GALNT17: variants seen among roughly 807,000 people sequenced by gnomAD.
GALNT17 encodes the protein polypeptide N-acetylgalactosaminyltransferase 17.
In GALNT17, 29 loss-of-function variants were observed where a neutral mutation model predicts 63.7. The observed-to-expected ratio is 0.46, with a 90% CI of 0.34 to 0.62. The LOEUF is 0.62. Ranked by LOEUF, GALNT17 falls within the 20% of genes least tolerant of loss-of-function variation. The pLI is 0.01. For missense variants in GALNT17, 603 were observed against 799.6 expected (o/e 0.75, Z 2.97); for synonymous variants, 305 against 318.3 (o/e 0.96, Z 0.45).
At chr7:71,659,407 G>T (rs1463432817) in intron 6 of GALNT17, among the ~76,000 whole-genome samples, 1 of 152,168 alleles carries the variant, frequency 6.6e-6, no homozygotes, top group Non-Finnish European at 1.5e-5. Context: ...GCACACACTG[G>T]CATTCCACTG....
chr7:71,304,207 C>T (rs188293718), intron 1 of GALNT17, among the ~76,000 whole-genome samples: 22 of 152,328 alleles, frequency 1.4e-4, no homozygotes, highest in Admixed American at 1.3e-3. Context: ...TCATTCAATG[C>T]AGTGATGCAT....
intron 8 of GALNT17, among the ~76,000 whole-genome samples, chr7:71,674,344 CTT>C (rs34467330): frequency 6.1e-5 from 7 of 113,960 alleles, no homozygotes; most frequent in African/African-American, 2.4e-4. Context: ...ATAGCTCTTC[CTT>C]TTTAAAAAAA....
At chr7:71,284,801 T>C (rs1417419945) in intron 1 of GALNT17, among the ~76,000 whole-genome samples, 1 of 152,184 alleles carries the variant, frequency 6.6e-6, no homozygotes, top group Admixed American at 6.5e-5. Context: ...GTAACTGCTG[T>C]TGTTTAAATT....
chr7:71,396,832 T>C (rs932539015), intron 3 of GALNT17, among the ~76,000 whole-genome samples: 1 of 152,164 alleles, frequency 6.6e-6, no homozygotes, highest in Non-Finnish European at 1.5e-5. Context: ...TTACACTGCC[T>C]TGGTTAAATT....
At chr7:71,508,368 A>G (rs1412947635) in intron 5 of GALNT17, among the ~76,000 whole-genome samples, 3 of 152,232 alleles carry the variant, frequency 2.0e-5, no homozygotes, top group Non-Finnish European at 2.9e-5. Flanking sequence ...TTTGGCATCC[A>G]GATTCCATCA....
rs1182577220 is a variant in GALNT17 at position 71,543,958 on chromosome 7, A to G, written c.963-27327A>G. Among the ~76,000 whole-genome samples the G allele has an allele frequency of 3.3e-5, 5 of 151,260 alleles. No individual in the cohort carries two copies. The East Asian group carries it at 5.9e-4, about 18-fold the overall frequency. ...CAGGCGCATGCCACTGCACCCAGCT[A>G]ATTTTTGTATTTTTGGTAGAGACGG... On this transcript the variant is annotated intron_variant, in intron 5 of 10. Coordinates refer to ENST00000333538, the MANE Select transcript of GALNT17 (RefSeq NM_022479.3).
intron 1 of GALNT17, among the ~76,000 whole-genome samples, chr7:71,182,317 A>G (rs1788750764): frequency 6.6e-6 from 1 of 152,216 alleles, no homozygotes; most frequent in Non-Finnish European, 1.5e-5. Context: ...TGAGAAGAAG[A>G]TACATTTATA....
At chr7:71,246,828 C>CA (rs60216940) in intron 1 of GALNT17, among the ~76,000 whole-genome samples, 23,964 of 145,334 alleles carry the variant, frequency 0.16, 2,839 homozygotes, top group African/African-American at 0.35. Context: ...GACTCCGTCT[C>CA]AAAAAAAAAA....
At chr7:71,374,794 G>T (rs1412863410) in intron 2 of GALNT17, among the ~76,000 whole-genome samples, 1 of 151,368 alleles carries the variant, frequency 6.6e-6, no homozygotes, top group Non-Finnish European at 1.5e-5. Flanking sequence ...TGGGGTATAG[G>T]ATCTGACTGA....
intron 6 of GALNT17, among the ~76,000 whole-genome samples, chr7:71,616,508 A>G (rs925139790): frequency 1.4e-5 from 2 of 147,340 alleles, no homozygotes; most frequent in Non-Finnish European, 3.0e-5. Flanking sequence ...ATATATAAAT[A>G]TTTGATATGT....
At chr7:71,702,356 C>G (rs891060305) in intron 9 of GALNT17, among the ~76,000 whole-genome samples, 2 of 152,098 alleles carry the variant, frequency 1.3e-5, no homozygotes, top group East Asian at 1.9e-4. Context: ...TGCAAAGGCT[C>G]TGAGCAGGAG....
intron 2 of GALNT17, among the ~76,000 whole-genome samples, chr7:71,362,253 C>T (rs1332551599): frequency 2.0e-5 from 3 of 152,144 alleles, no homozygotes; most frequent in Non-Finnish European, 2.9e-5. Flanking sequence ...CCACCGCGCC[C>T]GGCTTTGTAT....
intron 1 of GALNT17, among the ~76,000 whole-genome samples, chr7:71,324,414 G>T (rs986904704): frequency 6.6e-6 from 1 of 152,166 alleles, no homozygotes; most frequent in Non-Finnish European, 1.5e-5. Flanking sequence ...ACTTTGGGAG[G>T]CTGAGGTGGG....
chr7:71,447,917 G>A (rs1787188376), intron 5 of GALNT17, among the ~76,000 whole-genome samples: 1 of 152,144 alleles, frequency 6.6e-6, no homozygotes, highest in South Asian at 2.1e-4. Context: ...TCATCCATCA[G>A]GACTGGCTGC....
chr7:71,228,187 T>G (rs1789716770), intron 1 of GALNT17, among the ~76,000 whole-genome samples: 1 of 152,116 alleles, frequency 6.6e-6, no homozygotes, highest in Non-Finnish European at 1.5e-5. Context: ...CAGCTGTCTC[T>G]AAACAGCCCC....
intron 1 of GALNT17, among the ~76,000 whole-genome samples, chr7:71,211,482 C>T (rs957736651): frequency 2.0e-5 from 3 of 152,026 alleles, no homozygotes; most frequent in East Asian, 1.9e-4. Flanking sequence ...TGAAAACAGA[C>T]GAATACAGTT....
intron 5 of GALNT17, among the ~76,000 whole-genome samples, chr7:71,462,911 G>A (rs1374750744): frequency 6.6e-6 from 1 of 152,208 alleles, no homozygotes; most frequent in South Asian, 2.1e-4. Context: ...TCACATGGCT[G>A]TAATATGTCT....
At chr7:71,473,651 C>G (rs946583877) in intron 5 of GALNT17, among the ~76,000 whole-genome samples, 2 of 152,058 alleles carry the variant, frequency 1.3e-5, no homozygotes, top group Non-Finnish European at 2.9e-5. Flanking sequence ...TCTTCATGGC[C>G]AGGAATCCAA....
At position 71,145,178 on chromosome 7, in the gene GALNT17, T is replaced by C. The variant is rs146564060; in HGVS notation, c.238+12138T>C. 5.8e-3 allele frequency among the ~76,000 whole-genome samples: 883 copies of C among 152,346 alleles called. 6 individuals carry two copies. The highest frequency in any genetic ancestry group is 0.02 in the African/African-American group (839 of 41,568). On this transcript the variant is annotated intron_variant, in intron 1 of 10. Coordinates refer to ENST00000333538, the MANE Select transcript of GALNT17 (RefSeq NM_022479.3). ...CTTGGGTTCTTCAGGCCAGCCGATGTCAGCAGTTTCGCTGGTGTGCAGGAC... is the reference window on the plus strand; with the variant it reads ...CTTGGGTTCTTCAGGCCAGCCGATGCCAGCAGTTTCGCTGGTGTGCAGGAC...
Sources: allele counts gnomAD v4.1 joint callset (sites outside exome capture counted in the v4.1 genomes callset), GRCh38; gene constraint gnomAD v4.1.1; transcripts MANE v1.5; gene names NCBI Gene and HGNC (gene_info 2026-07-23, HGNC 2026-07-21).